Variants in HOMER1 observed in about 807,000 individuals in gnomAD.
HOMER1 encodes homer scaffold protein 1, also known as homer protein homolog 1.
A neutral mutation model predicts 48.9 loss-of-function variants in HOMER1; 3 were observed. The ratio of observed to expected loss-of-function variants is 0.06; its 90% CI spans 0.03 to 0.16. The LOEUF is 0.16. Among genes scored for constraint, HOMER1 ranks in the 10% least tolerant of loss-of-function variants. The pLI, the probability that HOMER1 is intolerant of heterozygous loss-of-function variation, is 1.00. For synonymous variants in HOMER1, 134 were observed against 146.4 expected (o/e 0.92, Z 0.61); for missense variants, 247 against 411.4 (o/e 0.60, Z 3.46).
At position 79,374,756 on chromosome 5, in the gene HOMER1, A is replaced by G. The variant is rs575798576; in HGVS notation, c.*1253T>C. On this transcript the variant is annotated 3_prime_UTR_variant, in exon 9 of 9. Coordinates refer to ENST00000334082, the MANE Select transcript of HOMER1 (RefSeq NM_004272.5). ...AGAAATATATCATATAAAGAAATGC[A>G]TGTTTGCTAAAAGTCTTTTAAAATT... 1 of 152,228 alleles carries G rather than the reference A, an allele frequency of 6.6e-6. No homozygotes were observed. The highest frequency in any genetic ancestry group is 2.1e-4 in the South Asian group (1 of 4,830). 9.4% of individuals were successfully genotyped at this position (152,228 alleles called of 1,614,324 possible).
chr5:79,413,926 G>A (rs1394931812), intron 5 of HOMER1, among the ~76,000 whole-genome samples: 2 of 152,062 alleles, frequency 1.3e-5, no homozygotes, highest in Non-Finnish European at 2.9e-5. Flanking sequence ...TAAATGAGTA[G>A]CGATTTCAGG....
intron 8 of HOMER1, among the ~76,000 whole-genome samples, chr5:79,386,162 C>A (rs1409330821): frequency 6.6e-6 from 1 of 152,078 alleles, no homozygotes; most frequent in African/African-American, 2.4e-5. Flanking sequence ...GATACCCACA[C>A]TGGGATGTTT....
chr5:79,400,634 G>A (rs1318478831), intron 6 of HOMER1, among the ~76,000 whole-genome samples: 1 of 150,940 alleles, frequency 6.6e-6, no homozygotes, highest in African/African-American at 2.4e-5. Context: ...TGGGATTATA[G>A]GTGTGAGCCA....
chr5:79,506,982 G>A (rs1752791016), intron 1 of HOMER1, among the ~76,000 whole-genome samples: 1 of 151,982 alleles, frequency 6.6e-6, no homozygotes, highest in Non-Finnish European at 1.5e-5. Context: ...GGGAGGCCGA[G>A]GCAGGCAGAT....
At chr5:79,458,104 T>C (rs1004044212) in intron 1 of HOMER1, among the ~76,000 whole-genome samples, 4 of 152,148 alleles carry the variant, frequency 2.6e-5, no homozygotes, top group African/African-American at 9.6e-5. Flanking sequence ...CTTAAAGATA[T>C]AGATTTTTAA....
chr5:79,456,755 A>C, intron 2 of HOMER1, 107 bp downstream of exon 2: 2 of 1,020,144 alleles, frequency 2.0e-6, no homozygotes, highest in Non-Finnish European at 2.8e-6. Flanking sequence ...TAAGAACTCA[A>C]AAGGAAACAT....
In HOMER1 at chr5:79,420,161, T is replaced by C. The variant is rs1561356644; in HGVS notation, c.528-18106A>G. On this transcript the variant is annotated intron_variant, in intron 5 of 8. Transcript: ENST00000334082. ...ATCAACATCTATTGTCTTTTATGTA[T>C]CTGATATTTTGGAGGATACAGATGT... is the stretch of plus-strand genomic sequence containing the variant. 2.0e-5 allele frequency among the ~76,000 whole-genome samples: 3 copies of C among 152,222 alleles called. No individual in the cohort carries two copies. The South Asian group carries it at 6.2e-4, about 31-fold the overall frequency.
intron 4 of HOMER1, among the ~76,000 whole-genome samples, chr5:79,443,948 A>G (rs1397540480): frequency 6.6e-6 from 1 of 152,250 alleles, no homozygotes; most frequent in Non-Finnish European, 1.5e-5. Flanking sequence ...ACATGGCAAC[A>G]GAAAAGTAAT....
intron 1 of HOMER1, among the ~76,000 whole-genome samples, chr5:79,509,136 C>G (rs951894530): frequency 4.6e-5 from 7 of 152,208 alleles, no homozygotes; most frequent in Admixed American, 2.6e-4. Context: ...AGCAAAGAGA[C>G]TCAGTTTGGG....
At chr5:79,506,337 A>T (rs1357352151) in intron 1 of HOMER1, among the ~76,000 whole-genome samples, 1 of 152,212 alleles carries the variant, frequency 6.6e-6, no homozygotes, top group African/African-American at 2.4e-5. Context: ...AACAGCATTG[A>T]TTCTTATCAG....
chr5:79,459,805 C>A (rs1178160926), intron 1 of HOMER1, among the ~76,000 whole-genome samples: 2 of 152,034 alleles, frequency 1.3e-5, no homozygotes, highest in African/African-American at 2.4e-5. Context: ...AAAACAGATG[C>A]CTAAATAGAG....
intron 1 of HOMER1, among the ~76,000 whole-genome samples, chr5:79,479,899 T>C (rs1751899470): frequency 6.6e-6 from 1 of 152,232 alleles, no homozygotes; most frequent in Non-Finnish European, 1.5e-5. Flanking sequence ...GAACTTTATA[T>C]TTATTAAAGC....
Position 79,513,018 on chromosome 5 carries a change from G to A in HOMER1, c.-244C>T, listed in dbSNP as rs1752983910. ...GCTTATTCGAGTTAAAATGCTTTGCGGAGGAGACAGCGATCAACTCTATTC... is the reference window on the plus strand; with the variant it reads ...GCTTATTCGAGTTAAAATGCTTTGCAGAGGAGACAGCGATCAACTCTATTC... On this transcript the variant is annotated 5_prime_UTR_variant, in exon 1 of 9. Transcript: ENST00000334082. The A allele has an allele frequency of 5.2e-6, 3 of 572,016 alleles. No individual in the cohort carries two copies. Among genetic ancestry groups the A allele is most frequent in the Non-Finnish European group, 9.3e-6 (3 of 321,620 alleles). The allele number at this position is 572,016 out of a possible 1,614,324, so 35.4% of individuals were successfully genotyped here.
At chr5:79,425,065 G>T (rs1265971543) in intron 5 of HOMER1, among the ~76,000 whole-genome samples, 2 of 151,878 alleles carry the variant, frequency 1.3e-5, no homozygotes, top group East Asian at 3.9e-4. Context: ...TGATGATTGG[G>T]TCTTTTTAAA....
At chr5:79,512,638 A>T (rs945423845) in intron 1 of HOMER1, 132 bp downstream of exon 1, 4 of 820,466 alleles carry the variant, frequency 4.9e-6, no homozygotes, top group Non-Finnish European at 8.0e-6. Context: ...TAGCATGCCT[A>T]TTTCTTTAAA....
intron 1 of HOMER1, among the ~76,000 whole-genome samples, chr5:79,471,630 A>G (rs1459862064): frequency 6.6e-6 from 1 of 151,796 alleles, no homozygotes; most frequent in Non-Finnish European, 1.5e-5. Context: ...CTGGCTGCAC[A>G]TTAGAAATCA....
chr5:79,421,708 G>T (rs1451176184), intron 5 of HOMER1, among the ~76,000 whole-genome samples: 1 of 151,650 alleles, frequency 6.6e-6, no homozygotes, highest in East Asian at 2.0e-4. Flanking sequence ...GGGTTCAAGT[G>T]ATTCTCCTGC....
At chr5:79,499,177 G>A (rs74901738) in intron 1 of HOMER1, among the ~76,000 whole-genome samples, 3,108 of 152,128 alleles carry the variant, frequency 0.02, 135 homozygotes, top group East Asian at 0.2. Context: ...TCAAGATAGC[G>A]TCTCAAGCTT....
chr5:79,403,938 T>G (rs1486661249), intron 5 of HOMER1, among the ~76,000 whole-genome samples: 1 of 152,212 alleles, frequency 6.6e-6, no homozygotes, highest in Non-Finnish European at 1.5e-5. Flanking sequence ...TCCATTTCTA[T>G]CCTGAAAAGG....
Sources: gnomAD v4.1 joint callset for allele counts (sites outside exome capture counted in the v4.1 genomes callset) on GRCh38, gnomAD v4.1.1 for gene constraint, MANE v1.5 for transcripts, NCBI Gene and HGNC (gene_info 2026-07-23, HGNC 2026-07-21) for gene names.